LRCH1: variants seen among roughly 807,000 people sequenced by gnomAD.
The protein encoded by LRCH1 is leucine rich repeats and calponin homology domain containing 1.
Under a neutral mutation model 94.9 loss-of-function variants are expected in LRCH1, and 23 were observed. The observed-to-expected ratio is 0.24, with a 90% confidence interval of 0.17 to 0.34. The LOEUF (loss-of-function observed/expected upper bound fraction) is 0.34, where lower values mean the gene tolerates loss of function less well. LRCH1 is among the 10% of genes least tolerant of loss of function. The pLI, the probability that LRCH1 is intolerant of heterozygous loss-of-function variation, is 1.00. For missense variants in LRCH1, 790 were observed against 945.9 expected, an observed-to-expected ratio of 0.84 and a Z score of 2.16; for synonymous variants, 364 against 354.9, an observed-to-expected ratio of 1.03 and a Z score of -0.29.
intron 1 of LRCH1, among the ~76,000 whole-genome samples, chr13:46,593,502 AG>A (rs1269836569): frequency 6.6e-6 from 1 of 152,222 alleles, no homozygotes; most frequent in African/African-American, 2.4e-5. Flanking sequence ...GATAAATCAA[AG>A]TGACTTTAGT....
intron 13 of LRCH1, among the ~76,000 whole-genome samples, chr13:46,707,979 C>G (rs983064015): frequency 6.6e-6 from 1 of 152,148 alleles, no homozygotes; most frequent in African/African-American, 2.4e-5. Flanking sequence ...CTGGCCAGTT[C>G]AGTTACATGT....
chr13:46,574,981 A>C (rs902477312), intron 1 of LRCH1, among the ~76,000 whole-genome samples: 3 of 152,112 alleles, frequency 2.0e-5, no homozygotes, highest in Admixed American at 2.0e-4. Flanking sequence ...TACATGATGT[A>C]TCTATAAGCA....
intron 2 of LRCH1, among the ~76,000 whole-genome samples, chr13:46,656,652 T>C (rs747970931): frequency 1.4e-4 from 21 of 152,216 alleles, no homozygotes; most frequent in Non-Finnish European, 2.2e-4. Context: ...GAAGAGGCCA[T>C]TGGAGTCATC....
At chr13:46,706,832 T>G (rs1871787102) in intron 13 of LRCH1, among the ~76,000 whole-genome samples, 1 of 152,216 alleles carries the variant, frequency 6.6e-6, no homozygotes, top group African/African-American at 2.4e-5. Flanking sequence ...ACTAGTAACA[T>G]TTTATCACAT....
At chr13:46,738,323 A>G (rs1873489192) in intron 19 of LRCH1, among the ~76,000 whole-genome samples, 1 of 152,244 alleles carries the variant, frequency 6.6e-6, no homozygotes, top group Non-Finnish European at 1.5e-5. Context: ...ATAAAACCCT[A>G]AAGTACATTC....
intron 17 of LRCH1, among the ~76,000 whole-genome samples, chr13:46,725,328 A>C (rs780013874): frequency 2.6e-5 from 4 of 152,246 alleles, no homozygotes; most frequent in Non-Finnish European, 4.4e-5. Context: ...ACAAACCTGT[A>C]CATGTACCCC....
chr13:46,618,084 G>C (rs941398256), intron 1 of LRCH1, among the ~76,000 whole-genome samples: 1 of 152,150 alleles, frequency 6.6e-6, no homozygotes, highest in Non-Finnish European at 1.5e-5. Context: ...CCATTGCATT[G>C]TTGTGTGAAC....
At chr13:46,658,932 C>T (rs1382876871) in intron 2 of LRCH1, among the ~76,000 whole-genome samples, 4 of 152,122 alleles carry the variant, frequency 2.6e-5, no homozygotes, top group Admixed American at 6.6e-5. Context: ...ATTCCACATA[C>T]GCTTGAAAAC....
intron 1 of LRCH1, among the ~76,000 whole-genome samples, chr13:46,635,180 G>C (rs1388968443): frequency 6.6e-6 from 1 of 152,154 alleles, no homozygotes; most frequent in Non-Finnish European, 1.5e-5. Context: ...ACTCAAGGGG[G>C]CTTTACTGCC....
intron 8 of LRCH1, among the ~76,000 whole-genome samples, chr13:46,694,406 G>A (rs1951012678): frequency 6.6e-6 from 1 of 152,052 alleles, no homozygotes; most frequent in African/African-American, 2.4e-5. Flanking sequence ...TTATGATTTG[G>A]GGCTCTTGCC....
intron 1 of LRCH1, among the ~76,000 whole-genome samples, chr13:46,617,299 C>G (rs988977487): frequency 3.3e-5 from 5 of 151,878 alleles, no homozygotes; most frequent in Non-Finnish European, 7.4e-5. Context: ...GATCAGGGGC[C>G]AGGAAAACTT....
chr13:46,670,581 G>A (rs547811230), intron 3 of LRCH1, among the ~76,000 whole-genome samples: 43 of 152,322 alleles, frequency 2.8e-4, no homozygotes, highest in Non-Finnish European at 5.3e-4. Context: ...CTGCTCAGAT[G>A]TGGCTGTTGG....
chr13:46,673,746 ATTTTTTTTTTTTTT>A (rs546225715), intron 3 of LRCH1, among the ~76,000 whole-genome samples: 3 of 108,268 alleles, frequency 2.8e-5, no homozygotes, highest in African/African-American at 1.1e-4. Context: ...TCCAAATGGA[ATTTTTTTTTTTTTT>A]TTTTTTTTTT....
chr13:46,724,508 T>C (rs1872722612), intron 17 of LRCH1, among the ~76,000 whole-genome samples: 1 of 152,190 alleles, frequency 6.6e-6, no homozygotes, highest in African/African-American at 2.4e-5. Flanking sequence ...TTGTGCTGGG[T>C]GTCATTGAAG....
intron 9 of LRCH1, among the ~76,000 whole-genome samples, chr13:46,695,638 C>T (rs1871143134): frequency 6.6e-6 from 1 of 152,134 alleles, no homozygotes; most frequent in Non-Finnish European, 1.5e-5. Context: ...TTCTGCCAGC[C>T]CTTTTGGTTC....
At chr13:46,729,138 G>T (rs949379439) in intron 18 of LRCH1, among the ~76,000 whole-genome samples, 154 bp downstream of exon 18, 5 of 152,098 alleles carry the variant, frequency 3.3e-5, no homozygotes, top group African/African-American at 1.2e-4. Context: ...ATGAAAGAAT[G>T]GCCTTGAATG....
chr13:46,596,742 TCAAAGTCACG>T (rs1171773066), intron 1 of LRCH1, among the ~76,000 whole-genome samples: 1 of 152,162 alleles, frequency 6.6e-6, no homozygotes, highest in African/African-American at 2.4e-5. Context: ...TGCGATTGGA[TCAAAGTCACG>T]CAAAGTTACG....
chr13:46,741,625 G>C lies in LRCH1; in HGVS notation c.2086-17G>C, dbSNP rs756507848. The stretch of plus-strand genomic sequence containing the variant: ...ATGCACTGTCTCTTTCTGTTCTAAT[G>C]GCTGCCCTCGGAATAGGCTGACCTC... On this transcript the variant is annotated splice_polypyrimidine_tract_variant and intron_variant, in intron 19 of 19. Coordinates refer to ENST00000389797, the MANE Select transcript of LRCH1 (RefSeq NM_001164211.2). 26 of 1,613,828 alleles carry C rather than the reference G, an allele frequency of 1.6e-5. No individual in the cohort carries two copies. In the East Asian group the frequency reaches 3.8e-4, roughly 24 times the overall value.
chr13:46,572,668 C>A (rs1007704633), intron 1 of LRCH1, among the ~76,000 whole-genome samples: 1 of 152,090 alleles, frequency 6.6e-6, no homozygotes, highest in Non-Finnish European at 1.5e-5. Context: ...GAAGACAGTG[C>A]ACAATTGTGG....
Sources: allele counts gnomAD v4.1 joint callset (sites outside exome capture counted in the v4.1 genomes callset), GRCh38; gene constraint gnomAD v4.1.1; transcripts MANE v1.5; gene names NCBI Gene and HGNC (gene_info 2026-07-23, HGNC 2026-07-21).